MYO16: variants seen among roughly 807,000 people sequenced by gnomAD.
MYO16 encodes myosin XVI, also known as unconventional myosin-XVI.
A neutral mutation model predicts 205.3 loss-of-function variants in MYO16; 94 were observed. The observed-to-expected ratio is 0.46, with a 90% CI of 0.39 to 0.54. The LOEUF (loss-of-function observed/expected upper bound fraction) is 0.54. Ranked by LOEUF, MYO16 falls within the 20% of genes least tolerant of loss-of-function variation. The pLI is 0.00. For missense variants in MYO16, 2,315 were observed against 2,387.5 expected, an observed-to-expected ratio of 0.97 and a Z score of 0.63; for synonymous variants, 988 against 954.0, an observed-to-expected ratio of 1.04 and a Z score of -0.66.
At chr13:109,170,545 A>G (rs1273831022) in intron 33 of MYO16, among the ~76,000 whole-genome samples, 1 of 152,072 alleles carries the variant, frequency 6.6e-6, no homozygotes, top group African/African-American at 2.4e-5. Context: ...CAATTTAAAA[A>G]AAAAAGGAGG....
At chr13:108,604,305 T>A (rs556305592) in intron 1 of MYO16, among the ~76,000 whole-genome samples, 1 of 152,228 alleles carries the variant, frequency 6.6e-6, no homozygotes, top group African/African-American at 2.4e-5. Flanking sequence ...CTAGGATATT[T>A]TGGTGAAAAA....
rs1246588861 is a variant in MYO16, at chr13:108,832,982, A to G, written c.1097+9704A>G. 2.0e-5 allele frequency among the ~76,000 whole-genome samples: 3 copies of G among 152,306 alleles called. No homozygotes were observed. In the East Asian group the frequency reaches 5.8e-4, roughly 29 times the overall value. The stretch of plus-strand genomic sequence containing the variant: ...GAGAAATGTCATAGAATACAGGGAC[A>G]GAATGATACATTCAGGGAGCATTCC... On this transcript the variant is annotated intron_variant, in intron 9 of 34. Transcript: ENST00000457511.
intron 20 of MYO16, among the ~76,000 whole-genome samples, chr13:108,966,112 A>T (rs1883784485): frequency 1.3e-5 from 2 of 152,212 alleles, no homozygotes; most frequent in Non-Finnish European, 2.9e-5. Context: ...CAACATATTC[A>T]ATAGTCTGTG....
chr13:108,967,530 T>C (rs1883841842), intron 20 of MYO16, among the ~76,000 whole-genome samples: 1 of 152,176 alleles, frequency 6.6e-6, no homozygotes, highest in Non-Finnish European at 1.5e-5. Flanking sequence ...GGTGTTGTCC[T>C]CTGTGAGCCT....
intron 16 of MYO16, among the ~76,000 whole-genome samples, chr13:108,936,902 A>G (rs1013739680): frequency 1.3e-5 from 2 of 152,168 alleles, no homozygotes; most frequent in African/African-American, 4.8e-5. Context: ...TGTTAGCTCT[A>G]TGCTTTGCCA....
At chr13:108,889,914 T>C (rs1880081730) in intron 14 of MYO16, among the ~76,000 whole-genome samples, 1 of 152,014 alleles carries the variant, frequency 6.6e-6, no homozygotes, top group Non-Finnish European at 1.5e-5. Flanking sequence ...TTTTTTATTT[T>C]CACTTATTTA....
At chr13:108,530,118 C>T in the MYO16 span, among the ~76,000 whole-genome samples, 1 of 152,178 alleles carries the variant, frequency 6.6e-6, no homozygotes, top group Non-Finnish European at 1.5e-5. Context: ...GCTGCTCAGA[C>T]TTTCTAGACA....
Position 109,206,906 on chromosome 13 carries a change from C to T in MYO16, c.*70C>T. ...TCCGGGCTGCAACAACAGAAGGCTG[C>T]CTTCTGACATGCGCTGGGGCTTCTC... On this transcript the variant is annotated 3_prime_UTR_variant, in exon 35 of 35. Transcript: ENST00000457511. 1 of 1,395,244 alleles carries T rather than the reference C, an allele frequency of 7.2e-7. No individual in the cohort carries two copies. The highest frequency in any genetic ancestry group is 9.9e-7 in the Non-Finnish European group (1 of 1,006,732). The allele number at this position is 1,395,244 out of a possible 1,614,324, so 86.4% of individuals were successfully genotyped here. A position where few individuals can be genotyped will look rare whatever the true frequency, so the allele number is the denominator to read the frequency against.
intron 21 of MYO16, among the ~76,000 whole-genome samples, chr13:108,999,096 T>C (rs572543714): frequency 1.4e-4 from 22 of 152,272 alleles, no homozygotes; most frequent in African/African-American, 5.3e-4. Context: ...GGACTGGGGA[T>C]GTTTAAATGG....
intron 4 of MYO16, among the ~76,000 whole-genome samples, chr13:108,761,274 T>C (rs1367707): frequency 0.55 from 84,161 of 151,954 alleles, 23,532 homozygotes; most frequent in East Asian, 0.63. Context: ...AATACAGAGA[T>C]GCGGCAGTGC....
At chr13:108,957,527 AT>A (rs1227918389) in intron 16 of MYO16, among the ~76,000 whole-genome samples, 160 bp from the exon 17 acceptor site, 1 of 152,176 alleles carries the variant, frequency 6.6e-6, no homozygotes, top group African/African-American at 2.4e-5. Context: ...TTCCTGAGAT[AT>A]CATGTGCTGT....
chr13:109,070,331 A>G (rs1387227971), intron 27 of MYO16, among the ~76,000 whole-genome samples: 3 of 152,186 alleles, frequency 2.0e-5, no homozygotes, highest in African/African-American at 7.2e-5. Context: ...CTGTATGCCC[A>G]TCGCCTGGCA....
At chr13:108,947,426 G>A (rs1882980113) in intron 16 of MYO16, among the ~76,000 whole-genome samples, 1 of 152,220 alleles carries the variant, frequency 6.6e-6, no homozygotes, top group Non-Finnish European at 1.5e-5. Context: ...CCTCCAGTCA[G>A]ATGCAGCTCC....
At chr13:108,825,493 A>C (rs986803157) in intron 9 of MYO16, among the ~76,000 whole-genome samples, 8 of 152,048 alleles carry the variant, frequency 5.3e-5, no homozygotes, top group African/African-American at 1.7e-4. Context: ...GTTACCCCAT[A>C]AGATGAGGAC....
chr13:108,975,892 A>T (rs1458229948), intron 20 of MYO16, among the ~76,000 whole-genome samples: 1 of 152,196 alleles, frequency 6.6e-6, no homozygotes, highest in Admixed American at 6.5e-5. Context: ...TAGATGATCT[A>T]TAATGATTGT....
chr13:108,631,526 A>G (rs1170605424), intron 1 of MYO16, among the ~76,000 whole-genome samples: 1 of 152,338 alleles, frequency 6.6e-6, no homozygotes, highest in South Asian at 2.1e-4. Flanking sequence ...ATCTAAAATT[A>G]ATGAATTTAA....
At chr13:108,779,934 C>T (rs914637317) in intron 4 of MYO16, 4 of 152,112 alleles carry the variant, frequency 2.6e-5, no homozygotes, top group Admixed American at 2.6e-4. Context: ...TGATGATGGG[C>T]ACAACATGGA....
At position 109,127,460 on chromosome 13, in the gene MYO16, A is replaced by T; in HGVS notation, c.3961A>T (p.Lys1321Ter). ...LPSPRKQPPPKPKRDPNTRLS... is the reference protein window; with the variant it reads ...LPSPRKQPPP ...GTCTCCACGGAAACAGCCCCCGCCC[A>T]AGCCAAAGAGGGACCCCAACACCCG... is the stretch of plus-strand genomic sequence containing the variant. Residue 1321 changes from lysine to a stop codon, truncating the protein, a stop_gained, in exon 31 of 35, where the codon AAG (lysine) becomes TAG (stop). Coordinates refer to ENST00000457511, the MANE Select transcript of MYO16 (RefSeq NM_001198950.3). LOFTEE classifies it high-confidence loss of function. This position sits in a 1 kb window ranked among gnomAD's most constrained non-coding sequence, Gnocchi z 4.2. 6.2e-7 allele frequency: 1 copy of T among 1,613,974 alleles called. No individual in the cohort carries two copies. The highest frequency in any genetic ancestry group is 8.5e-7 in the Non-Finnish European group (1 of 1,179,988).
intron 1 of MYO16, among the ~76,000 whole-genome samples, chr13:108,601,103 C>T (rs1041224974): frequency 4.0e-5 from 6 of 151,894 alleles, no homozygotes; most frequent in Non-Finnish European, 7.4e-5. Context: ...ACTTTTTTTG[C>T]GAGGTAGACA....
Sources: allele counts gnomAD v4.1 joint callset (sites outside exome capture counted in the v4.1 genomes callset), GRCh38; gene constraint gnomAD v4.1.1; non-coding constraint Gnocchi (gnomAD v3.1); transcripts MANE v1.5; gene names NCBI Gene and HGNC (gene_info 2026-07-23, HGNC 2026-07-21).